Variants in LARGE1 observed in about 807,000 individuals in gnomAD.
LARGE1 encodes the protein xylosyl- and glucuronyltransferase LARGE1.
LARGE1 carries 43 observed loss-of-function variants against 87.6 expected under a neutral mutation model. The observed-to-expected ratio is 0.49, with a 90% CI of 0.38 to 0.63. The LOEUF is 0.63. Ranked by LOEUF, LARGE1 falls within the 30% of genes least tolerant of loss-of-function variation. The probability of loss-of-function intolerance (pLI) is 0.00; values close to 1 mark genes in which losing one functional copy is unlikely to be tolerated. For synonymous variants in LARGE1, 434 were observed against 394.6 expected, an observed-to-expected ratio of 1.10 and a Z score of -1.18; for missense variants, 802 against 1,000.2, an observed-to-expected ratio of 0.80 and a Z score of 2.67.
chr22:33,504,587 G>T (rs1378679004), intron 6 of LARGE1, among the ~76,000 whole-genome samples: 1 of 152,180 alleles, frequency 6.6e-6, no homozygotes, highest in Non-Finnish European at 1.5e-5. Flanking sequence ...TTGACTAAAA[G>T]TTCAGACATT....
chr22:33,172,432 T>A (rs549991195), intron 11 of LARGE1, among the ~76,000 whole-genome samples: 1 of 133,770 alleles, frequency 7.5e-6, no homozygotes, highest in Non-Finnish European at 1.6e-5. Context: ...GGTTAAAAAG[T>A]GAAAGTTTCC....
chr22:33,088,197 A>G, the LARGE1 span, among the ~76,000 whole-genome samples: 1 of 152,146 alleles, frequency 6.6e-6, no homozygotes, highest in African/African-American at 2.4e-5. Context: ...CAGAGATGAT[A>G]TCCAATTTTT....
At chr22:33,500,968 G>A (rs1161371554) in intron 6 of LARGE1, among the ~76,000 whole-genome samples, 15 of 152,150 alleles carry the variant, frequency 9.9e-5, no homozygotes, top group Non-Finnish European at 4.4e-5. Context: ...ATCATTATGA[G>A]ACCAGTGAAA....
At chr22:33,759,137 C>A in intron 2 of LARGE1, among the ~76,000 whole-genome samples, 1 of 152,150 alleles carries the variant, frequency 6.6e-6, no homozygotes, top group East Asian at 1.9e-4. Flanking sequence ...TAGAGGGAGA[C>A]CTAGCTACAA....
intron 11 of LARGE1, among the ~76,000 whole-genome samples, chr22:33,212,384 A>G (rs1290126313): frequency 6.6e-6 from 1 of 152,248 alleles, no homozygotes; most frequent in Non-Finnish European, 1.5e-5. Context: ...ATAACAGCAT[A>G]TCATTTACAG....
chr22:33,659,501 G>C (rs1235565701), intron 2 of LARGE1, among the ~76,000 whole-genome samples: 1 of 152,134 alleles, frequency 6.6e-6, no homozygotes, highest in Non-Finnish European at 1.5e-5. Flanking sequence ...GTCACAGCAA[G>C]ACACAGGTCC....
chr22:33,066,720 A>T, the LARGE1 span, among the ~76,000 whole-genome samples: 1 of 152,176 alleles, frequency 6.6e-6, no homozygotes, highest in Non-Finnish European at 1.5e-5. Context: ...AAAGAGAGAG[A>T]TTTCTAAGAT....
chr22:33,444,332 C>T (rs1283189205), intron 6 of LARGE1, among the ~76,000 whole-genome samples: 1 of 152,186 alleles, frequency 6.6e-6, no homozygotes, highest in Admixed American at 6.5e-5. Flanking sequence ...AGTATTATCA[C>T]TATTACCAAA....
intron 6 of LARGE1, among the ~76,000 whole-genome samples, chr22:33,556,289 T>A (rs1192416185): frequency 6.6e-6 from 1 of 151,966 alleles, no homozygotes; most frequent in African/African-American, 2.4e-5. Flanking sequence ...TAGTTAGTGA[T>A]TTCAGGCAAC....
intron 7 of LARGE1, among the ~76,000 whole-genome samples, chr22:33,408,778 T>C (rs2066199224): frequency 7.3e-6 from 1 of 137,272 alleles, no homozygotes; most frequent in African/African-American, 2.9e-5. Flanking sequence ...CCAGGGGGGG[T>C]CAACTCCTGT....
In LARGE1 at chr22:33,412,907, C is replaced by T. The variant is rs183224051; in HGVS notation, c.892+19254G>A. On this transcript the variant is annotated intron_variant, in intron 7 of 14. Transcript: ENST00000397394. ...ATATCTTGGCCTCAGGTGATCTACC[C>T]GCCTTGGCCTCCCAAAGTGCTGGGA... Among the ~76,000 whole-genome samples the T allele has an allele frequency of 1.1e-4, 17 of 152,308 alleles. No homozygotes were observed. The South Asian group carries it at 2.3e-3, about 20-fold the overall frequency.
chr22:33,402,240 G>A (rs889227067), intron 7 of LARGE1, among the ~76,000 whole-genome samples: 2 of 152,150 alleles, frequency 1.3e-5, no homozygotes, highest in Non-Finnish European at 2.9e-5. Context: ...GAATGAAAGA[G>A]CCATATCCCA....
chr22:33,102,766 C>G, the LARGE1 span, among the ~76,000 whole-genome samples: 1 of 152,226 alleles, frequency 6.6e-6, no homozygotes, highest in East Asian at 1.9e-4. Flanking sequence ...GCTGGGATTA[C>G]AGGCGTAAAC....
the LARGE1 span, among the ~76,000 whole-genome samples, chr22:33,125,526 A>T: frequency 8.0e-5 from 12 of 150,290 alleles, no homozygotes; most frequent in African/African-American, 2.9e-4. Context: ...GGCTCACTGC[A>T]ACCTCTGCCT....
chr22:33,648,626 C>T (rs1290556970), intron 3 of LARGE1, among the ~76,000 whole-genome samples: 3 of 152,104 alleles, frequency 2.0e-5, no homozygotes, highest in Non-Finnish European at 4.4e-5. Flanking sequence ...CCAGCCAAGA[C>T]CAAAGGAATT....
rs138980508 is a variant in LARGE1, at chr22:33,542,674, C to A, written c.787+22174G>T. Among the ~76,000 whole-genome samples the A allele has an allele frequency of 1.5e-3, 232 of 151,304 alleles. 2 individuals carry two copies. The highest frequency in any genetic ancestry group is 3.1e-3 in the African/African-American group (129 of 41,176). On this transcript the variant is annotated intron_variant, in intron 6 of 14. Coordinates refer to ENST00000397394, the MANE Select transcript of LARGE1 (RefSeq NM_133642.5). ...GGACAAGAGAGGTACCAAAGATGCC[C>A]GCTTTTATATGGTTCTGGCTTTGCC...
At chr22:33,246,150 ACCAAATAATGCTT>A (rs1475666924) in intron 11 of LARGE1, among the ~76,000 whole-genome samples, 1 of 152,154 alleles carries the variant, frequency 6.6e-6, no homozygotes, top group Non-Finnish European at 1.5e-5. Context: ...AAGTCCTTCC[ACCAAATAATGCTT>A]TTTAGGGTGA....
At chr22:33,426,895 G>T (rs530911630) in intron 7 of LARGE1, among the ~76,000 whole-genome samples, 2 of 152,168 alleles carry the variant, frequency 1.3e-5, no homozygotes, top group African/African-American at 4.8e-5. Flanking sequence ...TGGGGAGGAC[G>T]CACCTTGTGC....
the LARGE1 span, among the ~76,000 whole-genome samples, chr22:33,147,460 T>C: frequency 1.3e-5 from 2 of 152,232 alleles, no homozygotes; most frequent in Non-Finnish European, 2.9e-5. Context: ...TTATAGAGTA[T>C]AATTACGTTT....
Sources: allele counts gnomAD v4.1 joint callset (sites outside exome capture counted in the v4.1 genomes callset), GRCh38; gene constraint gnomAD v4.1.1; transcripts MANE v1.5; gene names NCBI Gene and HGNC (gene_info 2026-07-23, HGNC 2026-07-21).